Variants in PYROXD2 observed in about 807,000 individuals in gnomAD.
PYROXD2 encodes the protein pyridine nucleotide-disulfide oxidoreductase domain-containing protein 2.
Under a neutral mutation model 71.1 loss-of-function variants are expected in PYROXD2, and 69 were observed. That is an observed-to-expected ratio of 0.97 (90% confidence interval 0.80 to 1.19). The LOEUF is 1.19. Ranked by LOEUF, PYROXD2 falls within the 50% of genes most tolerant of loss-of-function variation. PYROXD2 has a pLI of 0.00. For missense variants in PYROXD2, 745 were observed against 748.9 expected, an observed-to-expected ratio of 0.99 and a Z score of 0.06; for synonymous variants, 287 against 302.7, an observed-to-expected ratio of 0.95 and a Z score of 0.54.
rs541171098 is a variant in PYROXD2 at position 98,387,262 on chromosome 10, A to G, written c.1493T>C (p.Val498Ala). The G allele has an allele frequency of 1.2e-6, 2 of 1,614,142 alleles. No individual in the cohort carries two copies. Among genetic ancestry groups the G allele is most frequent in the East Asian group, 2.2e-5 (1 of 44,874 alleles). The change falls in exon 14 of 16, where the codon GTG (valine) becomes GCG (alanine). Residue 498 changes from valine (V) to alanine (A), a missense_variant. Coordinates refer to ENST00000370575, the MANE Select transcript of PYROXD2 (RefSeq NM_032709.3). ...TGGTGTGAGGATGTCTCTGCCAACC[A>G]CAGAGTCCTTGAAGCCAGGGGCATA... ...EVYAPGFKDS[V>A]VGRDILTPPD...
rs149519972 is a variant in PYROXD2 at position 98,401,273 on chromosome 10, A to AAAAAAAAAAAAAC, written c.316-1017_316-1016insGTTTTTTTTTTTT. 2.3e-3 allele frequency among the ~76,000 whole-genome samples: 277 copies of AAAAAAAAAAAAAC among 121,604 alleles called. 14 individuals are homozygous for AAAAAAAAAAAAAC. The highest frequency in any genetic ancestry group is 3.8e-3 in the East Asian group (16 of 4,264). 79.8% of individuals were successfully genotyped at this position (121,604 alleles called of 152,430 possible). A position where few individuals can be genotyped will look rare whatever the true frequency, so the allele number is the denominator to read the frequency against. ...TGTCTCAAAAAAAAAAAAACAAAAA[A>AAAAAAAAAAAAAC]AAACAAACATAGAAAAGGTACATTA... On this transcript the variant is annotated intron_variant, in intron 4 of 15. Transcript: ENST00000370575.
intron 8 of PYROXD2, among the ~76,000 whole-genome samples, chr10:98,394,602 G>A (rs962363589): frequency 1.3e-5 from 2 of 150,260 alleles, no homozygotes; most frequent in African/African-American, 5.0e-5. Flanking sequence ...CTGCTTCTGC[G>A]GGGGCTCATT....
intron 8 of PYROXD2, among the ~76,000 whole-genome samples, chr10:98,394,707 T>C (rs902325033): frequency 3.3e-5 from 5 of 152,114 alleles, no homozygotes; most frequent in African/African-American, 9.6e-5. Context: ...AAAAGGCAGC[T>C]TCCTGTCCAT....
At chr10:98,397,233 T>A (rs10883087) in intron 6 of PYROXD2, 112 bp downstream of exon 6, 458,755 of 1,395,314 alleles carry the variant, frequency 0.33, 77,753 homozygotes, top group South Asian at 0.45. Context: ...TGTTAACTGA[T>A]CCCAGCTGGC....
chr10:98,403,684 A>G (rs1254284176), intron 4 of PYROXD2, among the ~76,000 whole-genome samples: 4 of 152,106 alleles, frequency 2.6e-5, no homozygotes, highest in Non-Finnish European at 4.4e-5. Flanking sequence ...TACCAGCTCA[A>G]ATGTCACCTC....
chr10:98,396,329 TTC>T (rs1370989414), intron 6 of PYROXD2, among the ~76,000 whole-genome samples: 1 of 152,170 alleles, frequency 6.6e-6, no homozygotes, highest in East Asian at 1.9e-4. Flanking sequence ...CAGCATGTGC[TTC>T]TACAAGGAGG....
intron 15 of PYROXD2, among the ~76,000 whole-genome samples, chr10:98,384,115 G>A (rs956576006): frequency 2.0e-5 from 3 of 151,832 alleles, no homozygotes; most frequent in East Asian, 3.9e-4. Flanking sequence ...GAGGGTGGAC[G>A]TGCTGGATGG....
At chr10:98,407,680 G>A (rs760472356) in intron 3 of PYROXD2, 25 bp from the exon 4 acceptor site, 2 of 1,594,956 alleles carry the variant, frequency 1.3e-6, no homozygotes, top group South Asian at 1.1e-5. Context: ...GATGAAGACT[G>A]TCACCAGGGG....
At chr10:98,411,005 C>T (rs3814140) in intron 1 of PYROXD2, 47 bp from the exon 2 acceptor site, 457,844 of 1,552,934 alleles carry the variant, frequency 0.29, 73,340 homozygotes, top group African/African-American at 0.53. Flanking sequence ...GGTCAGCGGG[C>T]GGGCAGACAG....
At chr10:98,386,746 A>C (rs1357131314) in intron 14 of PYROXD2, among the ~76,000 whole-genome samples, 2 of 152,196 alleles carry the variant, frequency 1.3e-5, no homozygotes, top group South Asian at 2.1e-4. Flanking sequence ...ATGGGGTCTC[A>C]CTACGTTGCC....
chr10:98,398,339 C>T (rs912266182), intron 5 of PYROXD2, among the ~76,000 whole-genome samples: 1 of 152,100 alleles, frequency 6.6e-6, no homozygotes, highest in Non-Finnish European at 1.5e-5. Context: ...AATCCACTTT[C>T]GAAAGCCTGG....
intron 12 of PYROXD2, among the ~76,000 whole-genome samples, chr10:98,389,718 A>G (rs1176884986): frequency 2.0e-5 from 3 of 152,170 alleles, no homozygotes. Flanking sequence ...CCACGTTATT[A>G]GAGAAGCCTT....
intron 5 of PYROXD2, 117 bp downstream of exon 5, chr10:98,399,985 T>G: frequency 7.9e-7 from 1 of 1,272,576 alleles, no homozygotes; most frequent in Non-Finnish European, 1.1e-6. Context: ...CCTAGGAACG[T>G]GGGGTGGCCT....
chr10:98,387,215 C>A lies in PYROXD2; in HGVS notation c.1540G>T (p.Gly514Trp). ...LTPPDLERIF[G>W]LPGGNIFHCA... ...CTTATACATACCCCTCCAGGAAGCC[C>A]GAAGATTCTCTCCAAATCTGGTGGT... The change falls in exon 14 of 16, where the codon GGG becomes TGG. Residue 514 changes from glycine (G) to tryptophan (W), a missense_variant. By Grantham distance (184) the Gly-to-Trp change is radical. Coordinates refer to ENST00000370575, the MANE Select transcript of PYROXD2 (RefSeq NM_032709.3). The A allele has an allele frequency of 6.2e-7, 1 of 1,613,848 alleles. No individual in the cohort carries two copies. The highest frequency in any genetic ancestry group is 8.5e-7 in the Non-Finnish European group (1 of 1,179,852).
In PYROXD2 at chr10:98,394,879, G is replaced by C. The variant is rs562742330; in HGVS notation, c.785+317C>G. ...CTATCAAGCGGGAGGTGGGAGAGAG[G>C]CTTTTCTTAGTGAAGCAGTAGGGCA... On this transcript the variant is annotated intron_variant, in intron 8 of 15. Coordinates refer to ENST00000370575, the MANE Select transcript of PYROXD2 (RefSeq NM_032709.3). Among the ~76,000 whole-genome samples, 3 of 152,028 alleles carry C rather than the reference G, an allele frequency of 2.0e-5. No homozygotes were observed. The South Asian group carries it at 6.2e-4, about 32-fold the overall frequency.
At chr10:98,407,561 G>C (rs762590195) in intron 4 of PYROXD2, 21 bp downstream of exon 4, 2 of 1,612,590 alleles carry the variant, frequency 1.2e-6, no homozygotes, top group South Asian at 1.1e-5. Flanking sequence ...CCGTGCAATC[G>C]GGCCGGCGGG....
chr10:98,387,078 A>T, intron 14 of PYROXD2, 123 bp downstream of exon 14: 1 of 692,496 alleles, frequency 1.4e-6, no homozygotes, highest in Non-Finnish European at 2.4e-6. Flanking sequence ...GGTCCCTGCC[A>T]CTGTCCTCCC....
At chr10:98,402,329 C>T (rs978531020) in intron 4 of PYROXD2, among the ~76,000 whole-genome samples, 2 of 152,160 alleles carry the variant, frequency 1.3e-5, no homozygotes, top group African/African-American at 4.8e-5. Context: ...CAGCTCTCAG[C>T]ACCGGTCTGT....
At chr10:98,406,804 A>G (rs942871043) in intron 4 of PYROXD2, among the ~76,000 whole-genome samples, 1 of 150,390 alleles carries the variant, frequency 6.6e-6, no homozygotes, top group African/African-American at 2.5e-5. Flanking sequence ...AGGCAGGAGA[A>G]TGGCATGAAC....
Sources: gnomAD v4.1 joint callset for allele counts (sites outside exome capture counted in the v4.1 genomes callset) on GRCh38, gnomAD v4.1.1 for gene constraint, MANE v1.5 for transcripts, NCBI Gene and HGNC (gene_info 2026-07-23, HGNC 2026-07-21) for gene names.